The following TRAF3IP2 variants were observed in gnomAD, a reference collection of about 807,000 sequenced individuals.
The protein encoded by TRAF3IP2 is TRAF3 interacting protein 2.
A neutral mutation model predicts 57.9 loss-of-function variants in TRAF3IP2; 35 were observed. The observed-to-expected ratio is 0.60, with a 90% CI of 0.46 to 0.80. TRAF3IP2 has a LOEUF of 0.80. Among genes scored for constraint, TRAF3IP2 ranks in the 30% least tolerant of loss-of-function variants. The pLI is 0.00. For synonymous variants in TRAF3IP2, 251 were observed against 268.9 expected (o/e 0.93, Z 0.65); for missense variants, 556 against 706.4 (o/e 0.79, Z 2.41).
chr6:111,563,334 A>C (rs1300512970), intron 7 of TRAF3IP2, among the ~76,000 whole-genome samples: 1 of 152,216 alleles, frequency 6.6e-6, no homozygotes, highest in Non-Finnish European at 1.5e-5. Flanking sequence ...TGTTGTGTGC[A>C]TCTCTTCCTA....
At chr6:111,575,163 G>A (rs1004572814) in intron 4 of TRAF3IP2, among the ~76,000 whole-genome samples, 32 of 152,000 alleles carry the variant, frequency 2.1e-4, no homozygotes, top group African/African-American at 7.7e-4. Flanking sequence ...GGTTGAGGCT[G>A]CAGTTAGCCA....
chr6:111,580,392 G>A lies in TRAF3IP2; in HGVS notation c.830-3C>T. ...TGCTCGAGGGTAGTCATGGCCATCT[G>A]TAGGTGAAGACAACAAAGACAACAG... is the stretch of plus-strand genomic sequence containing the variant. On this transcript the variant is annotated splice_region_variant and splice_polypyrimidine_tract_variant and intron_variant, in intron 2 of 8. Coordinates refer to ENST00000368761, the MANE Select transcript of TRAF3IP2 (RefSeq NM_147686.4). 6.5e-7 allele frequency: 1 copy of A among 1,539,326 alleles called. No homozygotes were observed. Among genetic ancestry groups the A allele is most frequent in the South Asian group, 1.3e-5 (1 of 78,030 alleles).
chr6:111,584,235 C>A (rs887607434), intron 2 of TRAF3IP2, among the ~76,000 whole-genome samples: 1 of 152,160 alleles, frequency 6.6e-6, no homozygotes, highest in African/African-American at 2.4e-5. Context: ...ATTAAAATCA[C>A]CAAGGCATGT....
chr6:111,579,316 CAAAAAAAAAAAAAAA>C (rs529040872), intron 3 of TRAF3IP2, among the ~76,000 whole-genome samples: 1 of 69,832 alleles, frequency 1.4e-5, no homozygotes, highest in Non-Finnish European at 2.5e-5. Context: ...GGCTCCATCT[CAAAAAAAAAAAAAAA>C]AAAAAAAAAG....
chr6:111,592,818 G>A (rs190155606), intron 1 of TRAF3IP2, among the ~76,000 whole-genome samples: 1 of 152,214 alleles, frequency 6.6e-6, no homozygotes, highest in Admixed American at 6.5e-5. Flanking sequence ...AGGTCAGAGT[G>A]ACATTTTCTA....
intron 8 of TRAF3IP2, among the ~76,000 whole-genome samples, chr6:111,559,950 G>T (rs1363498408): frequency 2.0e-5 from 3 of 152,202 alleles, no homozygotes; most frequent in Non-Finnish European, 4.4e-5. Context: ...TTTCACTCCA[G>T]CCCCAGGTCT....
At chr6:111,570,200 TG>T (rs1256256954) in intron 5 of TRAF3IP2, among the ~76,000 whole-genome samples, 1 of 152,168 alleles carries the variant, frequency 6.6e-6, no homozygotes, top group Non-Finnish European at 1.5e-5. Flanking sequence ...GCTGAAACCT[TG>T]ATCTTGGACT....
intron 1 of TRAF3IP2, among the ~76,000 whole-genome samples, chr6:111,592,360 A>C (rs1482586583): frequency 6.6e-6 from 1 of 152,240 alleles, no homozygotes; most frequent in Non-Finnish European, 1.5e-5. Flanking sequence ...AGCAAGGGGA[A>C]AACACAGATG....
At chr6:111,567,560 C>G in intron 6 of TRAF3IP2, 64 bp downstream of exon 6, 6 of 1,523,000 alleles carry the variant, frequency 3.9e-6, no homozygotes, top group Non-Finnish European at 5.3e-6. Context: ...TTTAATAAAA[C>G]AACTTCATAA....
intron 5 of TRAF3IP2, among the ~76,000 whole-genome samples, chr6:111,571,690 G>T (rs1232508270): frequency 6.6e-6 from 1 of 152,018 alleles, no homozygotes; most frequent in Admixed American, 6.6e-5. Flanking sequence ...ACTTTGGGAG[G>T]CCAAGGTTGG....
chr6:111,592,042 G>T lies in TRAF3IP2; in HGVS notation c.45C>A (p.Tyr15Ter), dbSNP rs765685286. ...IPVEVDESEP[Y>*]PSQLLKPIPE... The stretch of plus-strand genomic sequence containing the variant: ...GGATTGGTTTCAGCAACTGACTTGG[G>T]TATGGTTCTGATTCATCAACCTCCA... Residue 15 changes from tyrosine to a stop codon, truncating the protein, a stop_gained, in exon 2 of 9, where the codon TAC becomes TAA. Coordinates refer to ENST00000368761, the MANE Select transcript of TRAF3IP2 (RefSeq NM_147686.4). LOFTEE classifies it high-confidence loss of function. The T allele has an allele frequency of 1.2e-6, 2 of 1,614,200 alleles. No homozygotes were observed. The highest frequency in any genetic ancestry group is 1.7e-6 in the Non-Finnish European group (2 of 1,180,032).
chr6:111,563,114 G>A (rs1374275546), intron 7 of TRAF3IP2, 75 bp from the exon 8 acceptor site: 38 of 1,076,324 alleles, frequency 3.5e-5, no homozygotes, highest in East Asian at 5.0e-5. Flanking sequence ...AATCATGCAC[G>A]TCCACATGGC....
At chr6:111,571,236 C>T (rs952295440) in intron 5 of TRAF3IP2, among the ~76,000 whole-genome samples, 63 of 152,222 alleles carry the variant, frequency 4.1e-4, no homozygotes, top group African/African-American at 1.4e-3. Flanking sequence ...CCACCACACT[C>T]GGCTAATTTT....
Position 111,571,087 on chromosome 6 carries a change from T to C in TRAF3IP2, c.1290+1808A>G, listed in dbSNP as rs566514214. ...ATGCCAACTTTTTTTTCTTTTTTTT[T>C]TTTTTTGAGACAGAGCCTTGCTCTG... On this transcript the variant is annotated intron_variant, in intron 5 of 8. Coordinates refer to ENST00000368761, the MANE Select transcript of TRAF3IP2 (RefSeq NM_147686.4). Among the ~76,000 whole-genome samples, 6 of 150,784 alleles carry C rather than the reference T, an allele frequency of 4.0e-5. No homozygotes were observed. The East Asian group carries it at 1.2e-3, about 29-fold the overall frequency.
intron 1 of TRAF3IP2, among the ~76,000 whole-genome samples, chr6:111,593,102 C>A (rs897266825): frequency 6.6e-6 from 1 of 152,194 alleles, no homozygotes; most frequent in South Asian, 2.1e-4. Context: ...GCAGGAAGAA[C>A]GCAGTCCAGA....
intron 7 of TRAF3IP2, among the ~76,000 whole-genome samples, chr6:111,565,499 G>A (rs1795607216): frequency 6.6e-6 from 1 of 152,146 alleles, no homozygotes; most frequent in Non-Finnish European, 1.5e-5. Context: ...TCTGGCTGAG[G>A]TAGGGGTGGG....
chr6:111,572,718 A>G (rs1795866724), intron 5 of TRAF3IP2, 177 bp downstream of exon 5: 1 of 617,066 alleles, frequency 1.6e-6, no homozygotes, highest in East Asian at 2.8e-5. Context: ...TGGAGACTTC[A>G]GATAGCTTAA....
intron 2 of TRAF3IP2, among the ~76,000 whole-genome samples, chr6:111,583,720 A>G (rs1796236038): frequency 1.3e-5 from 2 of 152,366 alleles, no homozygotes; most frequent in South Asian, 4.1e-4. Context: ...TAAAGTGCAC[A>G]ATAAATGTAA....
chr6:111,585,334 C>CAAA (rs66486925), intron 2 of TRAF3IP2, among the ~76,000 whole-genome samples: 2,928 of 146,402 alleles, frequency 0.02, 80 homozygotes, highest in African/African-American at 0.062. Flanking sequence ...CCTCCCAGGC[C>CAAA]AAAAAAAAAA....
Sources: allele counts gnomAD v4.1 joint callset (sites outside exome capture counted in the v4.1 genomes callset), GRCh38; gene constraint gnomAD v4.1.1; transcripts MANE v1.5; gene names NCBI Gene and HGNC (gene_info 2026-07-23, HGNC 2026-07-21).